Variants in ST7L observed in about 807,000 individuals in gnomAD.
ST7L encodes suppressor of tumorigenicity 7 protein-like.
A neutral mutation model predicts 72.5 loss-of-function variants in ST7L; 57 were observed. The ratio of observed to expected loss-of-function variants is 0.79; its 90% CI spans 0.64 to 0.98. The LOEUF is 0.98. Ranked by LOEUF, ST7L falls within the 50% of genes least tolerant of loss-of-function variation. ST7L has a pLI of 0.00. For synonymous variants in ST7L, 221 were observed against 240.9 expected (o/e 0.92, Z 0.77); for missense variants, 576 against 672.2 (o/e 0.86, Z 1.58).
chr1:112,554,401 C>T lies in ST7L; in HGVS notation c.1396+1467G>A, dbSNP rs568587414. On this transcript the variant is annotated intron_variant, in intron 12 of 14. Coordinates refer to ENST00000358039, the MANE Select transcript of ST7L (RefSeq NM_017744.5). ...ATCATCAGAGAAATGCAAAACACCACCACAATGAGATTCCACTTCACATCC... is the reference window on the plus strand; with the variant it reads ...ATCATCAGAGAAATGCAAAACACCATCACAATGAGATTCCACTTCACATCC... Among the ~76,000 whole-genome samples the T allele has an allele frequency of 3.9e-4, 59 of 152,142 alleles. No individual in the cohort carries two copies. In the South Asian group the frequency reaches 0.012, roughly 31 times the overall value.
chr1:112,586,191 G>A (rs1370004177), intron 6 of ST7L, among the ~76,000 whole-genome samples: 1 of 152,198 alleles, frequency 6.6e-6, no homozygotes, highest in African/African-American at 2.4e-5. Flanking sequence ...AGTTTGGGAG[G>A]CCAAGGCAGG....
chr1:112,566,114 ATTT>A (rs1362625473), intron 11 of ST7L, among the ~76,000 whole-genome samples: 1 of 152,046 alleles, frequency 6.6e-6, no homozygotes, highest in Non-Finnish European at 1.5e-5. Context: ...ACATTATCTA[ATTT>A]CATCAGAAGG....
chr1:112,525,823 T>A lies in ST7L; in HGVS notation c.*190A>T. ...AAGACAATTTCATCTACAGTTGTCC[T>A]TTTTGACAGCTTCCAAGGGGGGTTT... On this transcript the variant is annotated 3_prime_UTR_variant, in exon 15 of 15. Transcript: ENST00000358039. 1 of 696,318 alleles carries A rather than the reference T, an allele frequency of 1.4e-6. No individual in the cohort carries two copies. Among genetic ancestry groups the A allele is most frequent in the African/African-American group, 1.8e-5 (1 of 56,266 alleles). The allele number at this position is 696,318 out of a possible 1,614,324, so 43.1% of individuals were successfully genotyped here.
chr1:112,530,357 T>C (rs1333989648), intron 14 of ST7L, among the ~76,000 whole-genome samples: 1 of 152,178 alleles, frequency 6.6e-6, no homozygotes, highest in African/African-American at 2.4e-5. Context: ...TTTACCATAT[T>C]TTACCATATT....
chr1:112,520,521 C>T, downstream of ST7L: 1 of 1,611,818 alleles, frequency 6.2e-7, no homozygotes. Flanking sequence ...CACACAGATA[C>T]CTCACTCATC....
chr1:112,608,168 G>A (rs971922814), intron 3 of ST7L, among the ~76,000 whole-genome samples: 2 of 152,028 alleles, frequency 1.3e-5, no homozygotes, highest in Admixed American at 6.6e-5. Flanking sequence ...CTACAGGTGC[G>A]TATTACTGTG....
At chr1:112,602,395 C>CTCACTTGT (rs2102055323) in intron 3 of ST7L, among the ~76,000 whole-genome samples, 1 of 152,270 alleles carries the variant, frequency 6.6e-6, no homozygotes, top group African/African-American at 2.4e-5. Flanking sequence ...AGGCACCTGC[C>CTCACTTGT]TCACTTGTCT....
intron 9 of ST7L, among the ~76,000 whole-genome samples, chr1:112,580,821 G>A (rs1447513071): frequency 2.6e-5 from 4 of 152,158 alleles, no homozygotes; most frequent in African/African-American, 4.8e-5. Flanking sequence ...CCAGCTACTC[G>A]GGAGGCTGAG....
intron 2 of ST7L, 50 bp downstream of exon 2, chr1:112,616,763 A>G: frequency 1.5e-6 from 2 of 1,324,458 alleles, no homozygotes; most frequent in Non-Finnish European, 2.1e-6. Context: ...AAAAAAAAAT[A>G]TCTTTAGATA....
At chr1:112,557,758 G>C (rs569030296) in intron 11 of ST7L, among the ~76,000 whole-genome samples, 19 of 152,268 alleles carry the variant, frequency 1.2e-4, no homozygotes, top group African/African-American at 4.3e-4. Context: ...GAGAACAGCA[G>C]GAGGACATAA....
chr1:112,582,516 T>C (rs1368643010), intron 7 of ST7L, 44 bp from the exon 8 acceptor site: 1 of 1,183,810 alleles, frequency 8.4e-7, no homozygotes, highest in Admixed American at 2.0e-5. Context: ...CACTTTTGTA[T>C]TGTGGGCTGC....
chr1:112,588,376 G>C (rs987338133), intron 6 of ST7L, among the ~76,000 whole-genome samples: 1 of 152,194 alleles, frequency 6.6e-6, no homozygotes, highest in Non-Finnish European at 1.5e-5. Context: ...TCTGATGGTG[G>C]AGGGAAACCT....
intron 13 of ST7L, among the ~76,000 whole-genome samples, chr1:112,548,721 G>A (rs1657578803): frequency 6.6e-6 from 1 of 152,152 alleles, no homozygotes; most frequent in African/African-American, 2.4e-5. Flanking sequence ...TTGCTTCTCA[G>A]CTAAATCATA....
intron 3 of ST7L, 54 bp from the exon 4 acceptor site, chr1:112,600,902 T>C (rs2102038976): frequency 6.7e-7 from 1 of 1,503,126 alleles, no homozygotes; most frequent in East Asian, 2.3e-5. Flanking sequence ...AATCTTCATT[T>C]AACCAATATC....
At chr1:112,598,916 C>T (rs1354912821) in intron 4 of ST7L, among the ~76,000 whole-genome samples, 5 of 150,392 alleles carry the variant, frequency 3.3e-5, no homozygotes, top group Non-Finnish European at 7.4e-5. Flanking sequence ...AAAAATTAGC[C>T]GCATGTGGTA....
At chr1:112,603,085 C>A (rs1318258150) in intron 3 of ST7L, among the ~76,000 whole-genome samples, 2 of 151,986 alleles carry the variant, frequency 1.3e-5, no homozygotes, top group African/African-American at 4.8e-5. Context: ...GTATTTGCTG[C>A]CAGTGATAAA....
chr1:112,526,340 C>T, intron 14 of ST7L: 3 of 453,138 alleles, frequency 6.6e-6, no homozygotes, highest in Non-Finnish European at 3.9e-6. Flanking sequence ...CTCCTTTTTT[C>T]CCCTTCAGAT....
At chr1:112,612,396 C>T (rs1043439401) in intron 2 of ST7L, among the ~76,000 whole-genome samples, 9 of 152,076 alleles carry the variant, frequency 5.9e-5, no homozygotes, top group African/African-American at 2.2e-4. Context: ...CCATGACCGG[C>T]CAGATTATAA....
intron 9 of ST7L, among the ~76,000 whole-genome samples, chr1:112,581,530 C>G (rs931160088): frequency 1.3e-5 from 2 of 151,900 alleles, no homozygotes; most frequent in Non-Finnish European, 2.9e-5. Context: ...TCCCAAGTAG[C>G]TGGGACTACA....
Sources: allele counts gnomAD v4.1 joint callset (sites outside exome capture counted in the v4.1 genomes callset), GRCh38; gene constraint gnomAD v4.1.1; transcripts MANE v1.5; gene names NCBI Gene and HGNC (gene_info 2026-07-23, HGNC 2026-07-21).